The following RMI2 variants were observed in gnomAD, a reference collection of about 807,000 sequenced individuals.
The protein encoded by RMI2 is RecQ mediated genome instability 2, also known as recQ-mediated genome instability protein 2.
RMI2 carries 11 observed loss-of-function variants against 8.4 expected under a neutral mutation model. That is an observed-to-expected ratio of 1.32 (90% CI 0.83 to 2.18). RMI2 has a LOEUF of 2.18. Among genes scored for constraint, RMI2 ranks in the 30% most tolerant of loss-of-function variants. The pLI, the probability that RMI2 is intolerant of heterozygous loss-of-function variation, is 0.00. For synonymous variants in RMI2, 105 were observed against 93.8 expected, an observed-to-expected ratio of 1.12 and a Z score of -0.69; for missense variants, 253 against 207.5, an observed-to-expected ratio of 1.22 and a Z score of -1.35.
Position 11,351,677 on chromosome 16 carries a change from A to G in RMI2, c.*887A>G, listed in dbSNP as rs1341936231. 6 of 228,102 alleles carry G rather than the reference A, an allele frequency of 2.6e-5. No individual in the cohort carries two copies. The East Asian group carries it at 3.8e-4, about 14-fold the overall frequency. The allele number at this position is 228,102 out of a possible 1,614,324, so 14.1% of individuals were successfully genotyped here. On this transcript the variant is annotated 3_prime_UTR_variant, in exon 2 of 2. Transcript: ENST00000312499. Reference sequence around the variant, plus strand: ...TGAATTTTTTGAGATTGTAAATATCAAAGGAGTTAGATTGTGTTCTGACAT... The same window carrying G: ...TGAATTTTTTGAGATTGTAAATATCGAAGGAGTTAGATTGTGTTCTGACAT...
chr16:11,347,210 A>G (rs183692880), intron 1 of RMI2, among the ~76,000 whole-genome samples: 1 of 152,324 alleles, frequency 6.6e-6, no homozygotes, highest in East Asian at 1.9e-4. Context: ...AGGATGTGCA[A>G]GGTGCTGAGT....
In RMI2 at chr16:11,345,612, GGCGGGCC is replaced by G. The variant is rs1389439794; in HGVS notation, c.151_157del (p.Gly51TrpfsTer12). 7 of 1,227,192 alleles carry G rather than the reference GGCGGGCC, an allele frequency of 5.7e-6. No individual in the cohort carries two copies. The highest frequency in any genetic ancestry group is 3.1e-5 in the African/African-American group (2 of 64,044). 76.0% of individuals were successfully genotyped at this position (1,227,192 alleles called of 1,614,324 possible). A position where few individuals can be genotyped will look rare whatever the true frequency, so the allele number is the denominator to read the frequency against. On this transcript the variant is annotated frameshift_variant, in exon 1 of 2. Coordinates refer to ENST00000312499, the MANE Select transcript of RMI2 (RefSeq NM_152308.3). LOFTEE classifies it high-confidence loss of function. ...GCGCGTGGCGGCTGTCACGGGCGGC[GGCGGGCC>G]GCGGGCCGCTGGACCTGGCGGCCGT... is the stretch of plus-strand genomic sequence containing the variant.
Position 11,351,577 on chromosome 16 carries a change from G to C in RMI2, c.*787G>C, listed in dbSNP as rs1394187102. 2.2e-5 allele frequency: 5 copies of C among 232,056 alleles called. No homozygotes were observed. Among genetic ancestry groups the C allele is most frequent in the East Asian group, 1.8e-4 (3 of 16,442 alleles). The allele number at this position is 232,056 out of a possible 1,614,324, so 14.4% of individuals were successfully genotyped here. ...GAGCCTCCTGGTGTAGAGTTCTTTT[G>C]TCTTTGTATGGAATGACTTTTTGCT... On this transcript the variant is annotated 3_prime_UTR_variant, in exon 2 of 2. Coordinates refer to ENST00000312499, the MANE Select transcript of RMI2 (RefSeq NM_152308.3).
Position 11,351,410 on chromosome 16 carries a change from A to G in RMI2, c.*620A>G. 1 of 232,284 alleles carries G rather than the reference A, an allele frequency of 4.3e-6. No homozygotes were observed. Among genetic ancestry groups the G allele is most frequent in the East Asian group, 6.1e-5 (1 of 16,420 alleles). The allele number at this position is 232,284 out of a possible 1,614,324, so 14.4% of individuals were successfully genotyped here. A position where few individuals can be genotyped will look rare whatever the true frequency, so the allele number is the denominator to read the frequency against. On this transcript the variant is annotated 3_prime_UTR_variant, in exon 2 of 2. Coordinates refer to ENST00000312499, the MANE Select transcript of RMI2 (RefSeq NM_152308.3). ...CGCAGCTCTATCCCTTTTCCTAGCT[A>G]GAGAAGGTGATGCCTTCTTCCATTA...
rs2070955037 is a variant in RMI2 at position 11,350,559 on chromosome 16, C to T, written c.296-83C>T. On this transcript the variant is annotated intron_variant, in intron 1 of 1. Coordinates refer to ENST00000312499, the MANE Select transcript of RMI2 (RefSeq NM_152308.3). ...GAGCCGAGATTGTGCCACTGCACTC[C>T]AGCCTGGGCGACATAGCAAGACTCT... The T allele has an allele frequency of 6.5e-6, 8 of 1,240,118 alleles. No homozygotes were observed. In the South Asian group the frequency reaches 1.2e-4, roughly 19 times the overall value. 76.8% of individuals were successfully genotyped at this position (1,240,118 alleles called of 1,614,324 possible). A position where few individuals can be genotyped will look rare whatever the true frequency, so the allele number is the denominator to read the frequency against.
At chr16:11,350,201 C>T (rs2070946636) in intron 1 of RMI2, among the ~76,000 whole-genome samples, 1 of 152,212 alleles carries the variant, frequency 6.6e-6, no homozygotes, top group Non-Finnish European at 1.5e-5. Flanking sequence ...CTCAGAGCCG[C>T]CTAATTATAA....
chr16:11,347,637 C>T (rs1236619610), intron 1 of RMI2, among the ~76,000 whole-genome samples: 9 of 152,144 alleles, frequency 5.9e-5, no homozygotes, highest in Non-Finnish European at 8.8e-5. Context: ...GCTCCTGTTC[C>T]GTCTTCCCAC....
chr16:11,350,790 G>GAGTA lies in RMI2; in HGVS notation c.*1_*4dup. ...AAGATTTACACAGGAATATTCCTTA[G>GAGTA]AGTATGTTGGAACTGTCGTTAAAAA... On this transcript the variant is annotated 3_prime_UTR_variant, in exon 2 of 2. Transcript: ENST00000312499. 1 of 1,601,442 alleles carries GAGTA rather than the reference G, an allele frequency of 6.2e-7. No individual in the cohort carries two copies. The highest frequency in any genetic ancestry group is 1.7e-4 in the Middle Eastern group (1 of 6,010).
chr16:11,346,636 G>GATGGCTGGGGCTCCACCC (rs1358600966), intron 1 of RMI2, among the ~76,000 whole-genome samples: 6 of 152,202 alleles, frequency 3.9e-5, no homozygotes, highest in African/African-American at 1.4e-4. Flanking sequence ...GTAAAGCTGG[G>GATGGCTGGGGCTCCACCC]ATGGCTGGGG....
intron 1 of RMI2, 88 bp downstream of exon 1, chr16:11,345,854 G>A: frequency 9.3e-7 from 1 of 1,078,436 alleles, no homozygotes; most frequent in Non-Finnish European, 1.2e-6. Context: ...GTTGACACTC[G>A]AACGGGGGCG....
chr16:11,351,332 C>G lies in RMI2; in HGVS notation c.*542C>G. On this transcript the variant is annotated 3_prime_UTR_variant, in exon 2 of 2. Coordinates refer to ENST00000312499, the MANE Select transcript of RMI2 (RefSeq NM_152308.3). ...ATTTCCTAACGGCAGGCATGGCGGC[C>G]CCTGAAAGACAACAGCTCCCTTTCT... is the stretch of plus-strand genomic sequence containing the variant. The G allele has an allele frequency of 4.3e-6, 1 of 232,810 alleles. No homozygotes were observed. Among genetic ancestry groups the G allele is most frequent in the Non-Finnish European group, 8.5e-6 (1 of 117,792 alleles). 14.4% of individuals were successfully genotyped at this position (232,810 alleles called of 1,614,324 possible). A position where few individuals can be genotyped will look rare whatever the true frequency, so the allele number is the denominator to read the frequency against.
Position 11,350,803 on chromosome 16 carries a change from CTG to C in RMI2, c.*15_*16del, listed in dbSNP as rs1389852911. 6.3e-7 allele frequency: 1 copy of C among 1,587,404 alleles called. No homozygotes were observed. Among genetic ancestry groups the C allele is most frequent in the Admixed American group, 1.9e-5 (1 of 53,086 alleles). ...GAATATTCCTTAGAGTATGTTGGAA[CTG>C]TCGTTAAAAACAACCAAAATCCCGA... On this transcript the variant is annotated 3_prime_UTR_variant, in exon 2 of 2. Coordinates refer to ENST00000312499, the MANE Select transcript of RMI2 (RefSeq NM_152308.3).
Position 11,351,098 on chromosome 16 carries a change from T to C in RMI2, c.*308T>C, listed in dbSNP as rs1208114498. On this transcript the variant is annotated 3_prime_UTR_variant, in exon 2 of 2. Transcript: ENST00000312499. ...CTCTCTCAGACACAGAAGTCTCATG[T>C]TGCATTTTCCAAATTTTATGAGTGA... is the stretch of plus-strand genomic sequence containing the variant. 3.7e-6 allele frequency: 1 copy of C among 268,622 alleles called. No individual in the cohort carries two copies. Among genetic ancestry groups the C allele is most frequent in the African/African-American group, 2.2e-5 (1 of 46,046 alleles). 16.6% of individuals were successfully genotyped at this position (268,622 alleles called of 1,614,324 possible).
Position 11,350,721 on chromosome 16 carries a change from T to G in RMI2, c.375T>G (p.Leu125=). ...PCLQAVKMTD[L]SDNPIHESMW... is the part of the protein sequence containing the mutation. ...TGCAGGCTGTGAAGATGACAGACCT[T>G]TCTGATAATCCCATCCATGAAAGTA... Residue 125 remains leucine, a synonymous_variant, in exon 2 of 2, where the codon CTT becomes CTG. Coordinates refer to ENST00000312499, the MANE Select transcript of RMI2 (RefSeq NM_152308.3). 6.2e-7 allele frequency: 1 copy of G among 1,613,534 alleles called. No individual in the cohort carries two copies. The highest frequency in any genetic ancestry group is 8.5e-7 in the Non-Finnish European group (1 of 1,179,528).
chr16:11,346,870 C>T (rs1382564314), intron 1 of RMI2, among the ~76,000 whole-genome samples: 1 of 152,230 alleles, frequency 6.6e-6, no homozygotes, highest in Non-Finnish European at 1.5e-5. Context: ...GGACTACAGG[C>T]CTGTACCACC....
In RMI2 at chr16:11,349,042, C is replaced by T. The variant is rs1366646570; in HGVS notation, c.296-1600C>T. Reference sequence around the variant, plus strand: ...TAGTGCTGTTCCTCCACCGCCTCTTCCTCTGGAACATCCAGGAGTTTGTTT... The same window carrying T: ...TAGTGCTGTTCCTCCACCGCCTCTTTCTCTGGAACATCCAGGAGTTTGTTT... On this transcript the variant is annotated intron_variant, in intron 1 of 1. Coordinates refer to ENST00000312499, the MANE Select transcript of RMI2 (RefSeq NM_152308.3). This position sits in a 1 kb window ranked among gnomAD's most constrained non-coding sequence, Gnocchi z 4.2. 6.6e-6 allele frequency: 1 copy of T among 152,318 alleles called. No homozygotes were observed. The highest frequency in any genetic ancestry group is 1.9e-4 in the East Asian group (1 of 5,194). 9.4% of individuals were successfully genotyped at this position (152,318 alleles called of 1,614,324 possible). A position where few individuals can be genotyped will look rare whatever the true frequency, so the allele number is the denominator to read the frequency against.
chr16:11,351,541 C>T lies in RMI2; in HGVS notation c.*751C>T, dbSNP rs768052557. ...TAAACTTCCACTTCATAACTTTCGG[C>T]GAGACATGGTGAGCCTCCTGGTGTA... On this transcript the variant is annotated 3_prime_UTR_variant, in exon 2 of 2. Transcript: ENST00000312499. 6.0e-5 allele frequency: 14 copies of T among 232,022 alleles called. No homozygotes were observed. The highest frequency in any genetic ancestry group is 2.0e-4 in the African/African-American group (9 of 45,270). 14.4% of individuals were successfully genotyped at this position (232,022 alleles called of 1,614,324 possible). A position where few individuals can be genotyped will look rare whatever the true frequency, so the allele number is the denominator to read the frequency against.
Position 11,350,815 on chromosome 16 carries a change from AC to A in RMI2, c.*26del, listed in dbSNP as rs756218077. The A allele has an allele frequency of 6.3e-7, 1 of 1,575,390 alleles. No homozygotes were observed. Reference sequence around the variant, plus strand: ...GAGTATGTTGGAACTGTCGTTAAAAACAACCAAAATCCCGAAACTATTTAGA... The same window carrying A: ...GAGTATGTTGGAACTGTCGTTAAAAAAACCAAAATCCCGAAACTATTTAGA... On this transcript the variant is annotated 3_prime_UTR_variant, in exon 2 of 2. Transcript: ENST00000312499.
In RMI2 at chr16:11,351,393, T is replaced by G; in HGVS notation, c.*603T>G. On this transcript the variant is annotated 3_prime_UTR_variant, in exon 2 of 2. Coordinates refer to ENST00000312499, the MANE Select transcript of RMI2 (RefSeq NM_152308.3). ...CCACTCAAACATTTAGACGCAGCTC[T>G]ATCCCTTTTCCTAGCTAGAGAAGGT... 4.3e-6 allele frequency: 1 copy of G among 232,504 alleles called. No homozygotes were observed. Among genetic ancestry groups the G allele is most frequent in the East Asian group, 6.1e-5 (1 of 16,476 alleles). The allele number at this position is 232,504 out of a possible 1,614,324, so 14.4% of individuals were successfully genotyped here.
Sources: gnomAD v4.1 joint callset for allele counts (sites outside exome capture counted in the v4.1 genomes callset) on GRCh38, gnomAD v4.1.1 for gene constraint, Gnocchi (gnomAD v3.1) non-coding constraint, MANE v1.5 for transcripts, NCBI Gene and HGNC (gene_info 2026-07-23, HGNC 2026-07-21) for gene names.